PSD3: variants seen among roughly 807,000 people sequenced by gnomAD.
PSD3 encodes the protein pleckstrin and Sec7 domain containing 3.
In PSD3, 49 loss-of-function variants were observed where a neutral mutation model predicts 105.5. That is an observed-to-expected ratio of 0.46 (90% CI 0.37 to 0.59). The LOEUF is 0.59. Ranked by LOEUF, PSD3 falls within the 20% of genes least tolerant of loss-of-function variation. The pLI is 0.00. For missense variants in PSD3, 1,561 were observed against 1,263.8 expected, an observed-to-expected ratio of 1.24 and a Z score of -3.57; for synonymous variants, 557 against 457.8, an observed-to-expected ratio of 1.22 and a Z score of -2.77.
At chr8:18,798,653 TAATCTA>T (rs1313801523) in intron 8 of PSD3, among the ~76,000 whole-genome samples, 3 of 152,056 alleles carry the variant, frequency 2.0e-5, no homozygotes, top group Non-Finnish European at 4.4e-5. Flanking sequence ...AAATATGGAC[TAATCTA>T]TACTTACTTA....
chr8:18,721,079 C>G (rs1802936947), intron 9 of PSD3: 1 of 152,086 alleles, frequency 6.6e-6, no homozygotes, highest in South Asian at 2.1e-4. Flanking sequence ...AGCCCACAAT[C>G]CACATCCCAC....
At chr8:18,845,568 C>A (rs12546946) in intron 4 of PSD3, among the ~76,000 whole-genome samples, 1 of 152,100 alleles carries the variant, frequency 6.6e-6, no homozygotes, top group East Asian at 1.9e-4. Context: ...GGCCGCTGGA[C>A]CTCTTTCACT....
At position 18,930,577 on chromosome 8, in the gene PSD3, T is replaced by A. The variant is rs975609666; in HGVS notation, c.130+5457A>T. On this transcript the variant is annotated intron_variant, in intron 2 of 15. Transcript: ENST00000327040. ...CTTAACTAACTTTTTCAATTTTTTT[T>A]TTTTTTTTTTTGAGATGGAGTCTCG... 1.8e-3 allele frequency among the ~76,000 whole-genome samples: 269 copies of A among 151,132 alleles called. 2 individuals are homozygous for A. Among genetic ancestry groups the A allele is most frequent in the Non-Finnish European group, 3.1e-3 (213 of 67,740 alleles).
intron 12 of PSD3, among the ~76,000 whole-genome samples, chr8:18,595,891 A>C (rs76406238): frequency 0.035 from 5,347 of 152,108 alleles, 297 homozygotes; most frequent in East Asian, 0.22. Flanking sequence ...TCAAAAATGC[A>C]ATACACCAAA....
chr8:18,632,244 C>G (rs139355133), intron 11 of PSD3, among the ~76,000 whole-genome samples: 18 of 152,202 alleles, frequency 1.2e-4, no homozygotes, highest in African/African-American at 3.6e-4. Flanking sequence ...CAACCTTTCC[C>G]TCAACCACCA....
At chr8:18,576,379 A>T (rs1802464597) in intron 12 of PSD3, among the ~76,000 whole-genome samples, 1 of 152,138 alleles carries the variant, frequency 6.6e-6, no homozygotes, top group South Asian at 2.1e-4. Flanking sequence ...TAAGCCTCCC[A>T]GGATAAGAAG....
intron 14 of PSD3, among the ~76,000 whole-genome samples, chr8:18,563,409 G>C: frequency 6.6e-6 from 1 of 152,110 alleles, no homozygotes; most frequent in African/African-American, 2.4e-5. Flanking sequence ...TGTCTTAAAG[G>C]AGACAGATGA....
rs745505856 is a variant in PSD3 at position 18,801,285 on chromosome 8, T to C, written c.2008A>G (p.Thr670Ala). 28 of 1,581,890 alleles carry C rather than the reference T, an allele frequency of 1.8e-5. No homozygotes were observed. The East Asian group carries it at 4.9e-4, about 28-fold the overall frequency. ...ATCAGATTACCTTGTGAAGCAATGG[T>C]ATCTGGGTTACAATAAAAATATCTA... Reference protein sequence around the residue: ...SNRYFYCNPDTIASQDGVHCL... With the variant: ...SNRYFYCNPDAIASQDGVHCL... The change falls in exon 7 of 16, where the codon ACC becomes GCC. Residue 670 changes from threonine to alanine, a missense_variant. Transcript: ENST00000327040.
At position 18,691,800 on chromosome 8, in the gene PSD3, CTGCCCTTG is replaced by C. The variant is rs577287959; in HGVS notation, c.2173-36123_2173-36116del. 4.6e-5 allele frequency among the ~76,000 whole-genome samples: 7 copies of C among 152,238 alleles called. No homozygotes were observed. The East Asian group carries it at 1.4e-3, about 29-fold the overall frequency. On this transcript the variant is annotated intron_variant, in intron 9 of 15. Transcript: ENST00000327040. ...GAGGCAATAAAATGATCAGAGATCC[CTGCCCTTG>C]TGCTTCACATCAAAGACAAATTATT... is the stretch of plus-strand genomic sequence containing the variant.
At chr8:18,738,823 GAAAAAA>G (rs527706318) in intron 9 of PSD3, among the ~76,000 whole-genome samples, 9 of 148,544 alleles carry the variant, frequency 6.1e-5, no homozygotes, top group South Asian at 2.1e-4. Context: ...CACCCGCTCC[GAAAAAA>G]AAAAACAAAA....
intron 1 of PSD3, among the ~76,000 whole-genome samples, chr8:18,998,752 AG>A (rs2129474128): frequency 6.6e-6 from 1 of 152,134 alleles, no homozygotes; most frequent in African/African-American, 2.4e-5. Flanking sequence ...AGGTGAATGT[AG>A]CCAGGCTAAT....
intron 9 of PSD3, among the ~76,000 whole-genome samples, chr8:18,659,514 A>G (rs1809165776): frequency 6.6e-6 from 1 of 152,250 alleles, no homozygotes; most frequent in Non-Finnish European, 1.5e-5. Flanking sequence ...GACTCAAGTA[A>G]ATAACACTTC....
intron 8 of PSD3, chr8:18,775,058 C>T (rs1330664415): frequency 7.1e-6 from 3 of 422,378 alleles, no homozygotes; most frequent in Admixed American, 5.3e-5. Flanking sequence ...TACTCTCTAC[C>T]TTCATGAAAT....
chr8:18,819,279 C>CA (rs1247830615), intron 4 of PSD3, among the ~76,000 whole-genome samples: 1 of 152,084 alleles, frequency 6.6e-6, no homozygotes, highest in Admixed American at 6.5e-5. Context: ...CTAAAAAAGA[C>CA]AGAGTCTAAA....
intron 11 of PSD3, among the ~76,000 whole-genome samples, chr8:18,608,520 C>G (rs17695140): frequency 1.3e-5 from 2 of 152,186 alleles, no homozygotes; most frequent in Admixed American, 6.5e-5. Context: ...GGAGCCATCA[C>G]TGAATCTTAA....
At chr8:18,570,514 C>T (rs1372511471) in intron 14 of PSD3, among the ~76,000 whole-genome samples, 1 of 148,522 alleles carries the variant, frequency 6.7e-6, no homozygotes, top group Non-Finnish European at 1.5e-5. Flanking sequence ...AAAGAAACTA[C>T]CATCAGAGTG....
At chr8:18,714,439 A>C (rs574764024) in intron 9 of PSD3, among the ~76,000 whole-genome samples, 75 of 151,972 alleles carry the variant, frequency 4.9e-4, no homozygotes, top group African/African-American at 1.5e-3. Context: ...AAAAAAAAAA[A>C]AACCAAACAA....
intron 12 of PSD3, among the ~76,000 whole-genome samples, chr8:18,589,381 C>G (rs1225414002): frequency 1.3e-5 from 2 of 152,138 alleles, no homozygotes; most frequent in Admixed American, 6.5e-5. Flanking sequence ...ACTTTGTGAT[C>G]TTTGGGTTTC....
At chr8:18,631,252 CA>C (rs1461782472) in intron 11 of PSD3, among the ~76,000 whole-genome samples, 1 of 151,934 alleles carries the variant, frequency 6.6e-6, no homozygotes, top group Non-Finnish European at 1.5e-5. Context: ...TGGAAAGAAA[CA>C]AATGGGTATC....
Sources: allele counts gnomAD v4.1 joint callset (sites outside exome capture counted in the v4.1 genomes callset), GRCh38; gene constraint gnomAD v4.1.1; transcripts MANE v1.5; gene names NCBI Gene and HGNC (gene_info 2026-07-23, HGNC 2026-07-21).